EXOC4: variants seen among roughly 807,000 people sequenced by gnomAD.
EXOC4 encodes exocyst complex component 4.
EXOC4 carries 71 observed loss-of-function variants against 107.2 expected under a neutral mutation model. The ratio of observed to expected loss-of-function variants is 0.66; its 90% CI spans 0.55 to 0.81. EXOC4 has a LOEUF of 0.81. Among genes scored for constraint, EXOC4 ranks in the 30% least tolerant of loss-of-function variants. The probability of loss-of-function intolerance (pLI) is 0.00; values close to 1 mark genes in which losing one functional copy is unlikely to be tolerated. For missense variants in EXOC4, 1,108 were observed against 1,189.6 expected, an observed-to-expected ratio of 0.93 and a Z score of 1.01; for synonymous variants, 456 against 441.2, an observed-to-expected ratio of 1.03 and a Z score of -0.42.
rs372793481 is a variant in EXOC4 at position 133,499,228 on chromosome 7, ATG to A, written c.1417+19096_1417+19097del. Among the ~76,000 whole-genome samples, 170 of 152,248 alleles carry A rather than the reference ATG, an allele frequency of 1.1e-3. 1 individual carries two copies. Among genetic ancestry groups the A allele is most frequent in the African/African-American group, 3.9e-3 (161 of 41,548 alleles). On this transcript the variant is annotated intron_variant, in intron 9 of 17. Transcript: ENST00000253861. ...ATTTAATTATTTGCTGTTGTTTAAA[ATG>A]TGTGTTTATCATTCATTTTAAGTTC...
intron 5 of EXOC4, among the ~76,000 whole-genome samples, chr7:133,329,988 C>T (rs1360941177): frequency 2.6e-5 from 4 of 152,242 alleles, no homozygotes; most frequent in South Asian, 2.1e-4. Context: ...AGCCGTCAGG[C>T]AGGGACGTTT....
chr7:133,324,831 T>C (rs973446602), intron 5 of EXOC4, among the ~76,000 whole-genome samples: 4 of 152,206 alleles, frequency 2.6e-5, no homozygotes, highest in Admixed American at 6.5e-5. Flanking sequence ...CCCATTATTA[T>C]TGTGTGGGAG....
intron 7 of EXOC4, among the ~76,000 whole-genome samples, chr7:133,430,409 G>T (rs12707090): frequency 6.6e-6 from 1 of 151,984 alleles, no homozygotes; most frequent in East Asian, 1.9e-4. Context: ...CCAGGCTTGC[G>T]GGTGGGGCCT....
chr7:133,469,992 A>G (rs1798831965), intron 7 of EXOC4, among the ~76,000 whole-genome samples: 1 of 152,176 alleles, frequency 6.6e-6, no homozygotes, highest in Non-Finnish European at 1.5e-5. Context: ...CCTGGTGAAC[A>G]TTTTGGCTGT....
At chr7:133,531,668 T>C (rs1800183978) in intron 9 of EXOC4, among the ~76,000 whole-genome samples, 1 of 152,176 alleles carries the variant, frequency 6.6e-6, no homozygotes. Flanking sequence ...GTGAAAAGTA[T>C]AGTAGTCCTT....
At chr7:133,333,033 G>A (rs1035622530) in intron 5 of EXOC4, among the ~76,000 whole-genome samples, 10 of 152,094 alleles carry the variant, frequency 6.6e-5, no homozygotes, top group African/African-American at 2.2e-4. Flanking sequence ...TCCAAGGTAT[G>A]ATTATTATTC....
intron 10 of EXOC4, among the ~76,000 whole-genome samples, chr7:133,657,808 G>A (rs1318895047): frequency 6.6e-6 from 1 of 152,164 alleles, no homozygotes; most frequent in Non-Finnish European, 1.5e-5. Flanking sequence ...CTTGGACTTT[G>A]TCAAGGCTTA....
At chr7:133,715,758 A>G (rs905360699) in intron 10 of EXOC4, among the ~76,000 whole-genome samples, 6 of 152,260 alleles carry the variant, frequency 3.9e-5, no homozygotes, top group Non-Finnish European at 5.9e-5. Context: ...AGAGGCTTTC[A>G]GAGAGAGAAA....
chr7:133,970,003 C>T (rs1801165629), intron 14 of EXOC4, among the ~76,000 whole-genome samples: 1 of 152,190 alleles, frequency 6.6e-6, no homozygotes, highest in African/African-American at 2.4e-5. Context: ...CCATAAGCCC[C>T]TGACTGGGGC....
intron 7 of EXOC4, among the ~76,000 whole-genome samples, chr7:133,404,133 T>A (rs1364951567): frequency 6.6e-6 from 1 of 152,182 alleles, no homozygotes; most frequent in Non-Finnish European, 1.5e-5. Flanking sequence ...CAGAGTCTTC[T>A]CTGTTGCTCA....
At chr7:133,882,933 T>G (rs963825954) in intron 11 of EXOC4, among the ~76,000 whole-genome samples, 5 of 152,208 alleles carry the variant, frequency 3.3e-5, no homozygotes, top group Non-Finnish European at 7.3e-5. Flanking sequence ...GATGTTAACC[T>G]TACAAATTCT....
Position 133,558,380 on chromosome 7 carries a change from A to G in EXOC4, c.1418-71665A>G, listed in dbSNP as rs76833632. Reference sequence around the variant, plus strand: ...TGAATTCAGCTATAACTTGGAATTTAAAGAGTTACATATGTTGCTTTATAT... The same window carrying G: ...TGAATTCAGCTATAACTTGGAATTTGAAGAGTTACATATGTTGCTTTATAT... On this transcript the variant is annotated intron_variant, in intron 9 of 17. Transcript: ENST00000253861. Among the ~76,000 whole-genome samples, 1,270 of 152,208 alleles carry G rather than the reference A, an allele frequency of 8.3e-3. 19 individuals carry two copies. The highest frequency in any genetic ancestry group is 0.029 in the African/African-American group (1,224 of 41,528).
chr7:134,069,401 T>A (rs893526200), downstream of EXOC4, among the ~76,000 whole-genome samples: 1 of 141,258 alleles, frequency 7.1e-6, no homozygotes, highest in Non-Finnish European at 1.5e-5. Flanking sequence ...CTTCTCCCCC[T>A]ACTTCTCCTT....
At chr7:133,577,399 A>C (rs921309284) in intron 9 of EXOC4, among the ~76,000 whole-genome samples, 1 of 152,176 alleles carries the variant, frequency 6.6e-6, no homozygotes, top group South Asian at 2.1e-4. Context: ...TCTTTCTTCT[A>C]ATAACTATTT....
chr7:133,465,412 T>C (rs1337221795), intron 7 of EXOC4, among the ~76,000 whole-genome samples: 12 of 152,184 alleles, frequency 7.9e-5, no homozygotes, highest in Admixed American at 7.9e-4. Flanking sequence ...AAAAATTGAC[T>C]GAAAGGAGTA....
rs553434080 is a variant in EXOC4 at position 133,840,870 on chromosome 7, C to G, written c.1734+23326C>G. 7.2e-5 allele frequency among the ~76,000 whole-genome samples: 11 copies of G among 152,160 alleles called. No individual in the cohort carries two copies. The East Asian group carries it at 2.1e-3, about 29-fold the overall frequency. ...TGTGCATTATTACTATAAACTTTGTCTTAAATGTGTTATGTTGTATTTCAC... is the reference window on the plus strand; with the variant it reads ...TGTGCATTATTACTATAAACTTTGTGTTAAATGTGTTATGTTGTATTTCAC... On this transcript the variant is annotated intron_variant, in intron 11 of 17. Coordinates refer to ENST00000253861, the MANE Select transcript of EXOC4 (RefSeq NM_021807.4).
At chr7:133,380,788 G>A (rs959033864) in intron 7 of EXOC4, among the ~76,000 whole-genome samples, 2 of 152,146 alleles carry the variant, frequency 1.3e-5, no homozygotes, top group East Asian at 1.9e-4. Flanking sequence ...ATGCATACAT[G>A]TACCAATGGC....
chr7:133,940,909 G>A (rs1487868828), intron 14 of EXOC4, among the ~76,000 whole-genome samples: 1 of 151,642 alleles, frequency 6.6e-6, no homozygotes, highest in Non-Finnish European at 1.5e-5. Context: ...TTTATTTCTT[G>A]TTCCACATTC....
rs556746367 is a variant in EXOC4, at chr7:133,355,160, G to C, written c.764-1170G>C. On this transcript the variant is annotated intron_variant, in intron 5 of 17. Coordinates refer to ENST00000253861, the MANE Select transcript of EXOC4 (RefSeq NM_021807.4). ...AGTAGATTTCAGTACCATTCTAGTA[G>C]TGCTGAATAACTTAGAATGGCTTGT... Among the ~76,000 whole-genome samples the C allele has an allele frequency of 4.6e-5, 7 of 152,272 alleles. No individual in the cohort carries two copies. In the East Asian group the frequency reaches 9.6e-4, roughly 21 times the overall value.
Sources: gnomAD v4.1 joint callset for allele counts (sites outside exome capture counted in the v4.1 genomes callset) on GRCh38, gnomAD v4.1.1 for gene constraint, MANE v1.5 for transcripts, NCBI Gene and HGNC (gene_info 2026-07-23, HGNC 2026-07-21) for gene names.